The following ALDH3A2 variants were observed in gnomAD, a reference collection of about 807,000 sequenced individuals.
ALDH3A2 encodes the protein aldehyde dehydrogenase 3 family member A2, also known as aldehyde dehydrogenase family 3 member A2.
ALDH3A2 carries 36 observed loss-of-function variants against 51.3 expected under a neutral mutation model. The observed-to-expected ratio is 0.70, with a 90% CI of 0.54 to 0.93. The LOEUF is 0.93. Among genes scored for constraint, ALDH3A2 ranks in the 40% least tolerant of loss-of-function variants. The pLI is 0.00. For missense variants in ALDH3A2, 552 were observed against 603.1 expected (o/e 0.92, Z 0.89); for synonymous variants, 199 against 219.8 (o/e 0.91, Z 0.84).
intron 3 of ALDH3A2, 31 bp from the exon 4 acceptor site, chr17:19,656,335 G>C (rs779956588): frequency 1.3e-6 from 2 of 1,557,238 alleles, no homozygotes; most frequent in Non-Finnish European, 1.8e-6. Flanking sequence ...TTATTTGGCA[G>C]TGCAAGAGTT....
intron 7 of ALDH3A2, among the ~76,000 whole-genome samples, chr17:19,664,526 G>T (rs2085009202): frequency 6.6e-6 from 1 of 152,142 alleles, no homozygotes; most frequent in Admixed American, 6.5e-5. Flanking sequence ...ATTTCATAAA[G>T]ACTAAATAAT....
Position 19,656,369 on chromosome 17 carries a change from C to A in ALDH3A2, c.475C>A (p.Leu159Ile). 6.2e-7 allele frequency: 1 copy of A among 1,612,990 alleles called. No individual in the cohort carries two copies. The highest frequency in any genetic ancestry group is 1.1e-5 in the South Asian group (1 of 91,024). ...KLLPQYLDQD[L>I]YIVINGGVEE... is the part of the protein sequence containing the mutation. ...TTTGTGTTTCTCTTTCTTTGAGGATCTCTATATTGTTATTAATGGTGGTGT... is the reference window on the plus strand; with the variant it reads ...TTTGTGTTTCTCTTTCTTTGAGGATATCTATATTGTTATTAATGGTGGTGT... Residue 159 changes from leucine to isoleucine, a missense_variant, in exon 4 of 10, where the codon CTC (leucine) becomes ATC (isoleucine). Transcript: ENST00000176643.
At chr17:19,667,550 T>G (rs2085055400) in intron 8 of ALDH3A2, among the ~76,000 whole-genome samples, 1 of 152,154 alleles carries the variant, frequency 6.6e-6, no homozygotes, top group Admixed American at 6.5e-5. Flanking sequence ...GCATATAGTT[T>G]AGATTTTTCT....
chr17:19,676,217 T>G lies in ALDH3A2; in HGVS notation c.*645T>G, dbSNP rs559743936. 8 of 152,886 alleles carry G rather than the reference T, an allele frequency of 5.2e-5. No individual in the cohort carries two copies. The highest frequency in any genetic ancestry group is 1.9e-4 in the East Asian group (1 of 5,196). 9.5% of individuals were successfully genotyped at this position (152,886 alleles called of 1,614,324 possible). ...CCTGTGTTCTGTTTAGTTGCAACAATCTCTTGTGACTAATGTCACTCAAAG... is the reference window on the plus strand; with the variant it reads ...CCTGTGTTCTGTTTAGTTGCAACAAGCTCTTGTGACTAATGTCACTCAAAG... On this transcript the variant is annotated 3_prime_UTR_variant, in exon 10 of 10. Coordinates refer to ENST00000176643, the MANE Select transcript of ALDH3A2 (RefSeq NM_000382.3).
At chr17:19,673,602 C>T (rs1282414660) in intron 9 of ALDH3A2, among the ~76,000 whole-genome samples, 1 of 151,854 alleles carries the variant, frequency 6.6e-6, no homozygotes, top group Non-Finnish European at 1.5e-5. Context: ...ACTGTAGTCC[C>T]AGCTACTAGG....
At chr17:19,673,300 ATATG>A (rs1567608155) in intron 9 of ALDH3A2, 1 of 1,611,458 alleles carries the variant, frequency 6.2e-7, no homozygotes, top group South Asian at 1.1e-5. Context: ...TTTTCTTTCT[ATATG>A]TAAGGTGGGC....
At chr17:19,655,850 C>T (rs2084887230) in intron 3 of ALDH3A2, among the ~76,000 whole-genome samples, 1 of 152,236 alleles carries the variant, frequency 6.6e-6, no homozygotes, top group South Asian at 2.1e-4. Flanking sequence ...CCTAAGGTTG[C>T]ATAAGCTAGT....
chr17:19,651,000 A>T (rs1167845614), intron 1 of ALDH3A2, among the ~76,000 whole-genome samples: 1 of 152,210 alleles, frequency 6.6e-6, no homozygotes, highest in Non-Finnish European at 1.5e-5. Flanking sequence ...ATCATACTTG[A>T]AGAACTAAAT....
At chr17:19,658,242 T>C (rs2084923108) in intron 5 of ALDH3A2, among the ~76,000 whole-genome samples, 2 of 152,220 alleles carry the variant, frequency 1.3e-5, no homozygotes, top group Admixed American at 6.5e-5. Flanking sequence ...TTTTTGTGTA[T>C]GTAGAGGGCC....
Position 19,663,443 on chromosome 17 carries a change from T to G in ALDH3A2, c.1051T>G (p.Phe351Val). ...GAAAAATGTAGATGAGGCCATAAAT[T>G]TCATAAATGAACGTGAAAAGCCTCT... ...PVKNVDEAINFINEREKPLAL... is the reference protein window; with the variant it reads ...PVKNVDEAINVINEREKPLAL... The change falls in exon 7 of 10, where the codon TTC becomes GTC. Residue 351 changes from phenylalanine (F) to valine (V), a missense_variant. By Grantham distance (50) the Phe-to-Val change is conservative. Transcript: ENST00000176643. 6.2e-7 allele frequency: 1 copy of G among 1,614,190 alleles called. No homozygotes were observed. Among genetic ancestry groups the G allele is most frequent in the Middle Eastern group, 1.6e-4 (1 of 6,062 alleles).
chr17:19,671,811 A>T lies in ALDH3A2; in HGVS notation c.1298A>T (p.Glu433Val). 6.2e-7 allele frequency: 1 copy of T among 1,614,110 alleles called. No homozygotes were observed. Among genetic ancestry groups the T allele is most frequent in the Non-Finnish European group, 8.5e-7 (1 of 1,179,980 alleles). Residue 433 changes from glutamate to valine, a missense_variant, in exon 9 of 10, where the codon GAA becomes GTA. Glu to Val is a moderately radical substitution (Grantham distance 121). Coordinates refer to ENST00000176643, the MANE Select transcript of ALDH3A2 (RefSeq NM_000382.3). ...TGTTTATTAAAAAGTTTAAAGAGAG[A>T]AGGTGCTAACAAACTCAGATATCCT... is the stretch of plus-strand genomic sequence containing the variant. ...RPCLLKSLKR[E>V]GANKLRYPPN...
intron 9 of ALDH3A2, among the ~76,000 whole-genome samples, chr17:19,672,723 T>C (rs576521294): frequency 6.6e-6 from 1 of 152,118 alleles, no homozygotes; most frequent in South Asian, 2.1e-4. Context: ...AAGGCAATGG[T>C]AATAGTTGTG....
chr17:19,672,039 A>C (rs772363324), intron 9 of ALDH3A2, 83 bp downstream of exon 9: 22 of 1,280,112 alleles, frequency 1.7e-5, no homozygotes, highest in Non-Finnish European at 2.3e-5. Context: ...AGGACTCTAC[A>C]TTAACTTGTA....
chr17:19,673,577 G>A (rs2152333869), intron 9 of ALDH3A2, among the ~76,000 whole-genome samples: 1 of 152,116 alleles, frequency 6.6e-6, no homozygotes, highest in African/African-American at 2.4e-5. Context: ...CGTTAGCTGG[G>A]TGTGGTGGTA....
intron 9 of ALDH3A2, among the ~76,000 whole-genome samples, chr17:19,673,486 G>A (rs1021514663): frequency 3.9e-5 from 6 of 152,014 alleles, no homozygotes; most frequent in African/African-American, 9.7e-5. Flanking sequence ...GGGAGGCCAA[G>A]GCAGGTGGAT....
intron 8 of ALDH3A2, among the ~76,000 whole-genome samples, chr17:19,667,225 AT>A (rs1443085722): frequency 2.0e-5 from 3 of 152,246 alleles, no homozygotes; most frequent in Non-Finnish European, 4.4e-5. Context: ...ACACTTTTCC[AT>A]GTCAATATTC....
chr17:19,648,853 C>G lies in ALDH3A2; in HGVS notation c.-119C>G. The G allele has an allele frequency of 7.5e-7, 1 of 1,341,268 alleles. No individual in the cohort carries two copies. The highest frequency in any genetic ancestry group is 1.0e-6 in the Non-Finnish European group (1 of 978,590). The allele number at this position is 1,341,268 out of a possible 1,614,324, so 83.1% of individuals were successfully genotyped here. A position where few individuals can be genotyped will look rare whatever the true frequency, so the allele number is the denominator to read the frequency against. On this transcript the variant is annotated 5_prime_UTR_variant, in exon 1 of 10. Transcript: ENST00000176643. ...CGAGTGAATTGTGGCTGTGGGTTGA[C>G]GGTGGAGACACCCCCCGGAGGGAGG...
chr17:19,666,883 C>G (rs747743047), intron 8 of ALDH3A2, among the ~76,000 whole-genome samples: 1 of 150,554 alleles, frequency 6.6e-6, no homozygotes, highest in Non-Finnish European at 1.5e-5. Flanking sequence ...AAAGAAGATG[C>G]AAAAGAAAAA....
Position 19,668,963 on chromosome 17 carries a change from CTTCTT to C in ALDH3A2, c.1208-2745_1208-2741del, listed in dbSNP as rs1172399125. ...TTTCCTTCCCTCCCTCCCTCCTTTTCTTCTTTTCTTTTCTTTTTTCTTTTCTTTTC... is the reference window on the plus strand; with the variant it reads ...TTTCCTTCCCTCCCTCCCTCCTTTTCTTCTTTTCTTTTTTCTTTTCTTTTC... On this transcript the variant is annotated intron_variant, in intron 8 of 9. Coordinates refer to ENST00000176643, the MANE Select transcript of ALDH3A2 (RefSeq NM_000382.3). Among the ~76,000 whole-genome samples the C allele has an allele frequency of 4.8e-5, 7 of 144,988 alleles. 1 individual carries two copies. The highest frequency in any genetic ancestry group is 1.8e-4 in the African/African-American group (7 of 39,820).
Sources: allele counts gnomAD v4.1 joint callset (sites outside exome capture counted in the v4.1 genomes callset), GRCh38; gene constraint gnomAD v4.1.1; transcripts MANE v1.5; gene names NCBI Gene and HGNC (gene_info 2026-07-23, HGNC 2026-07-21).